ITGB3BP: variants seen among roughly 807,000 people sequenced by gnomAD.
The protein encoded by ITGB3BP is centromere protein R.
Under a neutral mutation model 29.1 loss-of-function variants are expected in ITGB3BP, and 27 were observed. The ratio of observed to expected loss-of-function variants is 0.93; its 90% confidence interval spans 0.68 to 1.28. The LOEUF (loss-of-function observed/expected upper bound fraction) is 1.28. ITGB3BP is among the 50% of genes most tolerant of loss of function. ITGB3BP has a pLI of 0.00. For missense variants in ITGB3BP, 192 were observed against 200.2 expected, an observed-to-expected ratio of 0.96 and a Z score of 0.25; for synonymous variants, 61 against 61.4, an observed-to-expected ratio of 0.99 and a Z score of 0.03.
chr1:63,499,938 A>G (rs1451895550), intron 2 of ITGB3BP, among the ~76,000 whole-genome samples: 1 of 152,232 alleles, frequency 6.6e-6, no homozygotes, highest in Non-Finnish European at 1.5e-5. Context: ...CAAGAAAAGA[A>G]TGTCTGCTCT....
At position 63,454,275 on chromosome 1, in the gene ITGB3BP, CAT is replaced by C. The variant is rs1336927671; in HGVS notation, c.427+103_427+104del. 2 of 515,658 alleles carry C rather than the reference CAT, an allele frequency of 3.9e-6. No homozygotes were observed. Among genetic ancestry groups the C allele is most frequent in the African/African-American group, 4.0e-5 (2 of 50,330 alleles). 31.9% of individuals were successfully genotyped at this position (515,658 alleles called of 1,614,324 possible). A position where few individuals can be genotyped will look rare whatever the true frequency, so the allele number is the denominator to read the frequency against. ...AAAGAAGGTAATAGTATTTTTATCA[CAT>C]GTCCAGTAATGGTATATATAAAGAA... is the stretch of plus-strand genomic sequence containing the variant. On this transcript the variant is annotated intron_variant, in intron 6 of 8. Coordinates refer to ENST00000271002, the MANE Select transcript of ITGB3BP (RefSeq NM_014288.5). This position sits in a 1 kb window ranked among gnomAD's most constrained non-coding sequence, Gnocchi z 4.1.
chr1:63,519,282 C>G (rs192778524), intron 1 of ITGB3BP, among the ~76,000 whole-genome samples: 70 of 152,036 alleles, frequency 4.6e-4, no homozygotes, highest in African/African-American at 1.7e-3. Flanking sequence ...ATCATCTAAC[C>G]CAAAATCTCT....
intron 1 of ITGB3BP, among the ~76,000 whole-genome samples, chr1:63,516,386 G>GAAAGA (rs1486082830): frequency 6.8e-6 from 1 of 148,018 alleles, no homozygotes; most frequent in Non-Finnish European, 1.5e-5. Context: ...AAGGGAAAAG[G>GAAAGA]AAAGAAAAGA....
intron 2 of ITGB3BP, among the ~76,000 whole-genome samples, chr1:63,492,688 T>C (rs1049444307): frequency 6.6e-6 from 1 of 152,068 alleles, no homozygotes; most frequent in Non-Finnish European, 1.5e-5. Flanking sequence ...GTGCTACCTA[T>C]GAGCCCTTTA....
chr1:63,519,878 G>C (rs1340932811), intron 1 of ITGB3BP, among the ~76,000 whole-genome samples: 2 of 152,042 alleles, frequency 1.3e-5, no homozygotes, highest in Non-Finnish European at 2.9e-5. Flanking sequence ...AAAACTCTCA[G>C]ACTATAAATA....
At chr1:63,493,874 A>ATTGT (rs1645722504) in intron 2 of ITGB3BP, among the ~76,000 whole-genome samples, 4 of 152,206 alleles carry the variant, frequency 2.6e-5, no homozygotes, top group Non-Finnish European at 4.4e-5. Context: ...ACTATTTTGA[A>ATTGT]CTGTCAGCCT....
chr1:63,518,876 C>T (rs568458570), intron 1 of ITGB3BP, among the ~76,000 whole-genome samples: 1 of 152,194 alleles, frequency 6.6e-6, no homozygotes, highest in African/African-American at 2.4e-5. Context: ...TGCCTCTCTG[C>T]ATTTTCAGAG....
Position 63,522,507 on chromosome 1 carries a change from G to A in ITGB3BP, c.5+622C>T, listed in dbSNP as rs944848358. Among the ~76,000 whole-genome samples the A allele has an allele frequency of 7.6e-4, 116 of 152,254 alleles. 1 individual carries two copies. Among genetic ancestry groups the A allele is most frequent in the African/African-American group, 2.7e-3 (113 of 41,530 alleles). ...AACTATTTTATGCATCTCAATATAG[G>A]ATGGATGAAGGATATGAAAAACAGA... On this transcript the variant is annotated intron_variant, in intron 1 of 8. Transcript: ENST00000271002.
At chr1:63,491,016 T>G (rs1230355929) in intron 2 of ITGB3BP, among the ~76,000 whole-genome samples, 1 of 128,648 alleles carries the variant, frequency 7.8e-6, no homozygotes, top group African/African-American at 2.9e-5. Context: ...CCAATTATTA[T>G]TCACTGTTAC....
chr1:63,526,421 CTT>C (rs1319533382), upstream of ITGB3BP, among the ~76,000 whole-genome samples: 1 of 152,088 alleles, frequency 6.6e-6, no homozygotes, highest in African/African-American at 2.4e-5. Flanking sequence ...AGGCTAATAA[CTT>C]TATGGGTAGA....
intron 1 of ITGB3BP, among the ~76,000 whole-genome samples, chr1:63,509,235 G>A (rs534381329): frequency 6.6e-6 from 1 of 152,290 alleles, no homozygotes; most frequent in African/African-American, 2.4e-5. Flanking sequence ...TGGTGACAAT[G>A]CTTAGAAAGG....
At chr1:63,503,432 T>C (rs1254036291) in intron 2 of ITGB3BP, among the ~76,000 whole-genome samples, 2 of 152,194 alleles carry the variant, frequency 1.3e-5, no homozygotes, top group Non-Finnish European at 2.9e-5. Context: ...GATGAGTAGA[T>C]TGCAAAAATT....
chr1:63,508,141 C>T (rs879279007), intron 2 of ITGB3BP, among the ~76,000 whole-genome samples: 1 of 152,114 alleles, frequency 6.6e-6, no homozygotes, highest in Non-Finnish European at 1.5e-5. Flanking sequence ...AAAAATGCTA[C>T]TAATGTTTTC....
intron 4 of ITGB3BP, among the ~76,000 whole-genome samples, chr1:63,455,722 T>A (rs1291950841): frequency 6.6e-6 from 1 of 152,198 alleles, no homozygotes; most frequent in Admixed American, 6.5e-5. Context: ...ATTCCCTTAT[T>A]GTTAAAATTT....
chr1:63,479,353 TAC>T (rs2100629334), intron 3 of ITGB3BP, among the ~76,000 whole-genome samples: 1 of 152,314 alleles, frequency 6.6e-6, no homozygotes, highest in Admixed American at 6.5e-5. Context: ...ACACAATATT[TAC>T]AGTGTATAAC....
chr1:63,525,786 T>C, upstream of ITGB3BP: 1 of 1,464,804 alleles, frequency 6.8e-7, no homozygotes, highest in African/African-American at 1.5e-5. Flanking sequence ...TTTAAATCTT[T>C]CACCTTTTTG....
At chr1:63,468,267 G>A (rs774433943) in intron 4 of ITGB3BP, among the ~76,000 whole-genome samples, 7 of 152,174 alleles carry the variant, frequency 4.6e-5, no homozygotes, top group Non-Finnish European at 8.8e-5. Flanking sequence ...CCAATCAACT[G>A]TCCAGGGTAG....
intron 7 of ITGB3BP, chr1:63,449,956 A>C (rs1243032744): frequency 6.6e-6 from 1 of 152,358 alleles, no homozygotes; most frequent in Non-Finnish European, 1.5e-5. Flanking sequence ...ACATATTTTT[A>C]TGTTTAAAAA....
intron 1 of ITGB3BP, among the ~76,000 whole-genome samples, chr1:63,516,953 T>A (rs1646345555): frequency 6.6e-6 from 1 of 151,938 alleles, no homozygotes; most frequent in Non-Finnish European, 1.5e-5. Flanking sequence ...ATGCAATATA[T>A]CCTTGTAACA....
Sources: gnomAD v4.1 joint callset for allele counts (sites outside exome capture counted in the v4.1 genomes callset) on GRCh38, gnomAD v4.1.1 for gene constraint, Gnocchi (gnomAD v3.1) non-coding constraint, MANE v1.5 for transcripts, NCBI Gene and HGNC (gene_info 2026-07-23, HGNC 2026-07-21) for gene names.